Variants in MRPL13 observed in about 807,000 individuals in gnomAD.
The protein encoded by MRPL13 is large ribosomal subunit protein uL13m.
Under a neutral mutation model 29.0 loss-of-function variants are expected in MRPL13, and 33 were observed. The ratio of observed to expected loss-of-function variants is 1.14; its 90% CI spans 0.86 to 1.52. The LOEUF (loss-of-function observed/expected upper bound fraction) is 1.52. Among genes scored for constraint, MRPL13 ranks in the 40% most tolerant of loss-of-function variants. The pLI is 0.00. For missense variants in MRPL13, 227 were observed against 216.7 expected, an observed-to-expected ratio of 1.05 and a Z score of -0.30; for synonymous variants, 77 against 68.4, an observed-to-expected ratio of 1.13 and a Z score of -0.62.
chr8:120,410,564 C>G (rs971184980), intron 6 of MRPL13, among the ~76,000 whole-genome samples: 5 of 152,124 alleles, frequency 3.3e-5, no homozygotes, highest in Admixed American at 3.3e-4. Context: ...ATAGCATAGT[C>G]CAATAATGTA....
At chr8:120,405,496 G>A (rs186327651) in intron 6 of MRPL13, among the ~76,000 whole-genome samples, 1 of 152,268 alleles carries the variant, frequency 6.6e-6, no homozygotes, top group African/African-American at 2.4e-5. Flanking sequence ...ATGCATTGCT[G>A]GTTTATGGAC....
At position 120,424,232 on chromosome 8, in the gene MRPL13, C is replaced by A. The variant is rs563749372; in HGVS notation, c.306+1074G>T. On this transcript the variant is annotated intron_variant, in intron 4 of 6. Transcript: ENST00000306185. ...TTAAGAGGATCAGTACATATTGACC[C>A]TGATCAATTGTTTAGAAAGATTCCA... is the stretch of plus-strand genomic sequence containing the variant. Among the ~76,000 whole-genome samples, 53 of 152,168 alleles carry A rather than the reference C, an allele frequency of 3.5e-4. No individual in the cohort carries two copies. The South Asian group carries it at 0.011, about 31-fold the overall frequency.
intron 3 of MRPL13, among the ~76,000 whole-genome samples, chr8:120,430,435 C>T (rs1302593956): frequency 1.3e-5 from 2 of 152,032 alleles, no homozygotes; most frequent in Non-Finnish European, 2.9e-5. Flanking sequence ...TTACAACTAG[C>T]AAGCTAAATT....
At chr8:120,425,589 AT>A (rs1287929301) in intron 3 of MRPL13, among the ~76,000 whole-genome samples, 1 of 152,182 alleles carries the variant, frequency 6.6e-6, no homozygotes, top group Non-Finnish European at 1.5e-5. Flanking sequence ...GGAAAAATTT[AT>A]TGGCATAAGT....
At chr8:120,408,308 A>G (rs1586919052) in intron 6 of MRPL13, among the ~76,000 whole-genome samples, 1 of 152,340 alleles carries the variant, frequency 6.6e-6, no homozygotes, top group African/African-American at 2.4e-5. Context: ...ATTACATTCA[A>G]CTGCACTTTT....
At chr8:120,443,448 CTA>C (rs57904576) in intron 1 of MRPL13, 140 bp from the exon 2 acceptor site, 48,349 of 913,374 alleles carry the variant, frequency 0.053, 2,400 homozygotes, top group East Asian at 0.23. Flanking sequence ...AAAAATAACT[CTA>C]TTGCTAAAGA....
intron 6 of MRPL13, among the ~76,000 whole-genome samples, chr8:120,403,865 T>G (rs1012539584): frequency 1.3e-5 from 2 of 152,112 alleles, no homozygotes; most frequent in African/African-American, 4.8e-5. Flanking sequence ...CTACTAGAAT[T>G]TTAAATTGTT....
intron 2 of MRPL13, among the ~76,000 whole-genome samples, chr8:120,438,306 A>C (rs1429944052): frequency 6.6e-6 from 1 of 152,204 alleles, no homozygotes; most frequent in Non-Finnish European, 1.5e-5. Context: ...GCTCCATTGC[A>C]CTGCAGCCTG....
At chr8:120,397,451 G>A (rs1812537626) in intron 6 of MRPL13, among the ~76,000 whole-genome samples, 1 of 152,204 alleles carries the variant, frequency 6.6e-6, no homozygotes, top group Non-Finnish European at 1.5e-5. Context: ...CAACAGGCTG[G>A]AGACTGCCTG....
intron 6 of MRPL13, among the ~76,000 whole-genome samples, chr8:120,405,395 A>G (rs556459783): frequency 1.3e-5 from 2 of 152,328 alleles, no homozygotes; most frequent in South Asian, 4.1e-4. Flanking sequence ...AGGCATACAA[A>G]TTGCTTGGAT....
chr8:120,419,753 A>G, intron 5 of MRPL13, 99 bp downstream of exon 5: 1 of 782,390 alleles, frequency 1.3e-6, no homozygotes, highest in Non-Finnish European at 1.9e-6. Flanking sequence ...GTTGACATAA[A>G]ATTTTTGAAA....
chr8:120,397,563 G>A lies in MRPL13; in HGVS notation c.516-1438C>T, dbSNP rs560178578. On this transcript the variant is annotated intron_variant, in intron 6 of 6. Transcript: ENST00000306185. The stretch of plus-strand genomic sequence containing the variant: ...CTCCAAGGAGTCCACTGGACAAGGA[G>A]GAGTCGCCCACAATGCAACACAGCT... 1.6e-4 allele frequency among the ~76,000 whole-genome samples: 24 copies of A among 152,224 alleles called. No homozygotes were observed. In the East Asian group the frequency reaches 4.4e-3, roughly 28 times the overall value.
chr8:120,425,434 T>C, intron 3 of MRPL13, 68 bp from the exon 4 acceptor site: 1 of 1,040,194 alleles, frequency 9.6e-7, no homozygotes, highest in Non-Finnish European at 1.4e-6. Flanking sequence ...CTGATCATTC[T>C]TTTATAAGAA....
intron 6 of MRPL13, among the ~76,000 whole-genome samples, chr8:120,405,049 C>T (rs1410035574): frequency 1.3e-5 from 2 of 152,066 alleles, no homozygotes; most frequent in South Asian, 2.1e-4. Context: ...TTTAAATAAT[C>T]GGGATATTTT....
At chr8:120,430,193 C>T (rs149413827) in intron 3 of MRPL13, among the ~76,000 whole-genome samples, 2,077 of 152,110 alleles carry the variant, frequency 0.014, 42 homozygotes, top group African/African-American at 0.046. Flanking sequence ...ACCTGGGAGG[C>T]GGAGGTTGCA....
chr8:120,426,454 G>T (rs1281163251), intron 3 of MRPL13, among the ~76,000 whole-genome samples: 1 of 152,054 alleles, frequency 6.6e-6, no homozygotes, highest in Non-Finnish European at 1.5e-5. Flanking sequence ...TTTAGAAAAA[G>T]AAATGCCTGT....
intron 4 of MRPL13, among the ~76,000 whole-genome samples, chr8:120,424,981 A>G (rs1057027192): frequency 6.6e-6 from 1 of 152,100 alleles, no homozygotes; most frequent in Non-Finnish European, 1.5e-5. Flanking sequence ...AAATATATGT[A>G]CACACATACA....
chr8:120,425,456 T>C, intron 3 of MRPL13, 90 bp from the exon 4 acceptor site: 1 of 920,288 alleles, frequency 1.1e-6, no homozygotes, highest in Non-Finnish European at 1.6e-6. Flanking sequence ...ACTATTTTAA[T>C]AAATTGTTTC....
chr8:120,431,582 G>T (rs550378363), intron 3 of MRPL13, among the ~76,000 whole-genome samples: 3 of 152,110 alleles, frequency 2.0e-5, no homozygotes, highest in Non-Finnish European at 4.4e-5. Flanking sequence ...GGAGAGTCAC[G>T]TTGTATTTGG....
Sources: allele counts gnomAD v4.1 joint callset (sites outside exome capture counted in the v4.1 genomes callset), GRCh38; gene constraint gnomAD v4.1.1; transcripts MANE v1.5; gene names NCBI Gene and HGNC (gene_info 2026-07-23, HGNC 2026-07-21).